Variants in PSMD11 observed in about 807,000 individuals in gnomAD.
PSMD11 encodes proteasome 26S subunit, non-ATPase 11, also known as 26S proteasome non-ATPase regulatory subunit 11.
A neutral mutation model predicts 62.3 loss-of-function variants in PSMD11; 5 were observed. The observed-to-expected ratio is 0.08, with a 90% CI of 0.04 to 0.17. PSMD11 has a LOEUF of 0.17. PSMD11 is among the 10% of genes least tolerant of loss of function. The pLI is 1.00. For missense variants in PSMD11, 310 were observed against 512.9 expected, an observed-to-expected ratio of 0.60 and a Z score of 3.82; for synonymous variants, 191 against 191.8, an observed-to-expected ratio of 1.00 and a Z score of 0.03.
At chr17:32,444,738 C>T (rs1022444162) in intron 1 of PSMD11, 124 bp downstream of exon 1, 5 of 1,251,674 alleles carry the variant, frequency 4.0e-6, no homozygotes, top group Admixed American at 5.4e-5. Context: ...TGAGGGGGGC[C>T]GGGCCGGGGG....
chr17:32,480,352 T>G, intron 12 of PSMD11, 137 bp from the exon 13 acceptor site: 2 of 1,445,788 alleles, frequency 1.4e-6, no homozygotes, highest in Non-Finnish European at 9.6e-7. Context: ...AATAAGCATG[T>G]GTACATGGAA....
intron 7 of PSMD11, among the ~76,000 whole-genome samples, chr17:32,474,439 C>T (rs1908260688): frequency 6.6e-6 from 1 of 152,212 alleles, no homozygotes; most frequent in South Asian, 2.1e-4. Context: ...CTTTGGATTA[C>T]ATAAGGGCTA....
chr17:32,473,736 C>T lies in PSMD11; in HGVS notation c.644-65C>T, dbSNP rs529655179. 1.9e-6 allele frequency: 3 copies of T among 1,563,578 alleles called. No individual in the cohort carries two copies. The African/African-American group carries it at 4.1e-5, about 21-fold the overall frequency. ...TTTAGGTAGATGTCTAAGCTGCCTC[C>T]CAGCTCTGATCTTTTATGGCTCTAT... On this transcript the variant is annotated intron_variant, in intron 6 of 13. Transcript: ENST00000261712.
At chr17:32,480,053 A>G in intron 11 of PSMD11, 93 bp from the exon 12 acceptor site, 2 of 1,514,782 alleles carry the variant, frequency 1.3e-6, no homozygotes, top group South Asian at 1.1e-5. Flanking sequence ...TTTTCAGTCC[A>G]TTTGGCCTAA....
At chr17:32,468,974 A>C (rs1908078153) in intron 5 of PSMD11, 25 bp from the exon 6 acceptor site, 1 of 1,606,984 alleles carries the variant, frequency 6.2e-7, no homozygotes, top group African/African-American at 1.3e-5. Flanking sequence ...ATGGCTATAA[A>C]GGAGAATGTC....
chr17:32,478,735 G>A (rs1908401042), intron 9 of PSMD11, among the ~76,000 whole-genome samples: 1 of 152,064 alleles, frequency 6.6e-6, no homozygotes, highest in African/African-American at 2.4e-5. Flanking sequence ...TCCCCCCCAT[G>A]GAGACCCTAT....
chr17:32,467,579 G>C (rs1908034402), intron 5 of PSMD11, among the ~76,000 whole-genome samples: 1 of 152,096 alleles, frequency 6.6e-6, no homozygotes, highest in South Asian at 2.1e-4. Flanking sequence ...TAAATATTCA[G>C]ATCCTTTGCT....
chr17:32,449,892 TAA>T (rs1907438538), intron 2 of PSMD11, among the ~76,000 whole-genome samples: 1 of 152,216 alleles, frequency 6.6e-6, no homozygotes, highest in South Asian at 2.1e-4. Context: ...CTCAAAAATT[TAA>T]GATAGGATCC....
chr17:32,474,049 C>T (rs1040503608), intron 7 of PSMD11, 104 bp downstream of exon 7: 141 of 1,406,332 alleles, frequency 1.0e-4, no homozygotes, highest in Non-Finnish European at 1.3e-4. Flanking sequence ...GTTACAGAAA[C>T]AGCAGCAGCT....
Position 32,474,118 on chromosome 17 carries a change from T to C in PSMD11, c.788+173T>C. ...GGATCAAAAGTGGTCCAGAAAACTTTCGCTTGCTAGTCTTTCAGAATCAGG... is the reference window on the plus strand; with the variant it reads ...GGATCAAAAGTGGTCCAGAAAACTTCCGCTTGCTAGTCTTTCAGAATCAGG... On this transcript the variant is annotated intron_variant, in intron 7 of 13. Transcript: ENST00000261712. 3 of 675,856 alleles carry C rather than the reference T, an allele frequency of 4.4e-6. No homozygotes were observed. The South Asian group carries it at 5.7e-5, about 13-fold the overall frequency. The allele number at this position is 675,856 out of a possible 1,614,324, so 41.9% of individuals were successfully genotyped here. A position where few individuals can be genotyped will look rare whatever the true frequency, so the allele number is the denominator to read the frequency against.
chr17:32,453,487 A>G (rs1907563905), intron 2 of PSMD11, among the ~76,000 whole-genome samples: 2 of 152,038 alleles, frequency 1.3e-5, no homozygotes, highest in Admixed American at 6.5e-5. Context: ...GAACTTTTCT[A>G]CTCTATATCA....
intron 1 of PSMD11, 137 bp from the exon 2 acceptor site, chr17:32,446,804 GTTTT>G: frequency 4.4e-5 from 15 of 343,748 alleles, no homozygotes; most frequent in Admixed American, 1.0e-4. Flanking sequence ...CTGGCTTAGA[GTTTT>G]TTTTTTTTTT....
Position 32,474,842 on chromosome 17 carries a change from T to A in PSMD11, c.849+18T>A. The A allele has an allele frequency of 6.3e-7, 1 of 1,593,536 alleles. No homozygotes were observed. Among genetic ancestry groups the A allele is most frequent in the Non-Finnish European group, 8.6e-7 (1 of 1,161,350 alleles). Reference sequence around the variant, plus strand: ...GGAGGCAGGTAGGGACTCCCTTGACTGCAGTTCTGCTCACTCTGAGACCAG... The same window carrying A: ...GGAGGCAGGTAGGGACTCCCTTGACAGCAGTTCTGCTCACTCTGAGACCAG... On this transcript the variant is annotated intron_variant, in intron 8 of 13. Transcript: ENST00000261712.
Position 32,480,734 on chromosome 17 carries a change from GCT to G in PSMD11, c.*1-16_*1-15del. On this transcript the variant is annotated splice_polypyrimidine_tract_variant and intron_variant, in intron 13 of 13. Transcript: ENST00000261712. Reference sequence around the variant, plus strand: ...TCCTCATGGCTTCCTGATTGACACTGCTCTGTCTTCTCTTGCAGAGTTGGATC... The same window carrying G: ...TCCTCATGGCTTCCTGATTGACACTGCTGTCTTCTCTTGCAGAGTTGGATC... 1 of 1,344,464 alleles carries G rather than the reference GCT, an allele frequency of 7.4e-7. No homozygotes were observed. Among genetic ancestry groups the G allele is most frequent in the Non-Finnish European group, 1.0e-6 (1 of 973,342 alleles). The allele number at this position is 1,344,464 out of a possible 1,614,324, so 83.3% of individuals were successfully genotyped here.
intron 6 of PSMD11, among the ~76,000 whole-genome samples, chr17:32,471,821 A>T (rs1908170786): frequency 6.6e-6 from 1 of 151,254 alleles, no homozygotes; most frequent in South Asian, 2.1e-4. Context: ...AGAGACTTGG[A>T]TTCTCATCTT....
At chr17:32,455,985 TA>T (rs1225065093) in intron 3 of PSMD11, among the ~76,000 whole-genome samples, 1 of 150,104 alleles carries the variant, frequency 6.7e-6, no homozygotes, top group South Asian at 2.1e-4. Context: ...CTACTAAAAA[TA>T]AAAAAAAATT....
intron 1 of PSMD11, chr17:32,445,365 TAGTTGTC>T: frequency 6.6e-6 from 1 of 152,304 alleles, no homozygotes; most frequent in East Asian, 1.9e-4. Flanking sequence ...TTAAGGGAGT[TAGTTGTC>T]AGCCGCGGAG....
intron 1 of PSMD11, among the ~76,000 whole-genome samples, chr17:32,446,697 G>T (rs1907341265): frequency 6.6e-6 from 1 of 151,908 alleles, no homozygotes; most frequent in South Asian, 2.1e-4. Flanking sequence ...AATTCTGCTG[G>T]GTAGAATGAA....
chr17:32,464,799 TTTTAAG>T (rs1907947436), intron 5 of PSMD11, among the ~76,000 whole-genome samples: 1 of 152,230 alleles, frequency 6.6e-6, no homozygotes, highest in African/African-American at 2.4e-5. Context: ...AAATGGGTAG[TTTTAAG>T]TTTACTTGAA....
Sources: allele counts gnomAD v4.1 joint callset (sites outside exome capture counted in the v4.1 genomes callset), GRCh38; gene constraint gnomAD v4.1.1; transcripts MANE v1.5; gene names NCBI Gene and HGNC (gene_info 2026-07-23, HGNC 2026-07-21).